The following TSHZ2 variants were observed in gnomAD, a reference collection of about 807,000 sequenced individuals.
TSHZ2 encodes teashirt homolog 2.
Under a neutral mutation model 74.4 loss-of-function variants are expected in TSHZ2, and 21 were observed. The ratio of observed to expected loss-of-function variants is 0.28; its 90% CI spans 0.20 to 0.41. The LOEUF is 0.41. TSHZ2 is among the 10% of genes least tolerant of loss of function. The probability of loss-of-function intolerance (pLI) is 1.00; values close to 1 mark genes in which losing one functional copy is unlikely to be tolerated. For missense variants in TSHZ2, 1,244 were observed against 1,293.5 expected, an observed-to-expected ratio of 0.96 and a Z score of 0.59; for synonymous variants, 540 against 515.3, an observed-to-expected ratio of 1.05 and a Z score of -0.65.
chr20:53,324,505 G>A (rs1052954945), intron 2 of TSHZ2, among the ~76,000 whole-genome samples: 5 of 152,094 alleles, frequency 3.3e-5, no homozygotes, highest in Non-Finnish European at 7.4e-5. Flanking sequence ...AGCCTCCCCA[G>A]TAGCAGGGAG....
intron 1 of TSHZ2, among the ~76,000 whole-genome samples, chr20:53,220,706 G>T (rs931957972): frequency 1.3e-5 from 2 of 152,170 alleles, no homozygotes; most frequent in South Asian, 4.1e-4. Flanking sequence ...GATGTGAGGG[G>T]CCGGTCATGC....
Position 53,489,352 on chromosome 20 carries a change from G to T in TSHZ2, c.*2217G>T, listed in dbSNP as rs1986384716. On this transcript the variant is annotated 3_prime_UTR_variant, in exon 3 of 3. Transcript: ENST00000371497. ...TCTTCAGATGGGTTAAGATTGAAGGGTGGACTGGACTCTACTGAGCACCGT... is the reference window on the plus strand; with the variant it reads ...TCTTCAGATGGGTTAAGATTGAAGGTTGGACTGGACTCTACTGAGCACCGT... 5.4e-6 allele frequency: 2 copies of T among 369,762 alleles called. No individual in the cohort carries two copies. Among genetic ancestry groups the T allele is most frequent in the Admixed American group, 6.9e-5 (2 of 29,018 alleles). 22.9% of individuals were successfully genotyped at this position (369,762 alleles called of 1,614,324 possible). A position where few individuals can be genotyped will look rare whatever the true frequency, so the allele number is the denominator to read the frequency against.
chr20:53,188,506 C>T (rs1988656407), intron 1 of TSHZ2, among the ~76,000 whole-genome samples: 1 of 152,138 alleles, frequency 6.6e-6, no homozygotes, highest in Non-Finnish European at 1.5e-5. Flanking sequence ...TCCATACTTT[C>T]TCAACAGCAT....
chr20:53,322,618 C>A (rs1371400747), intron 2 of TSHZ2, among the ~76,000 whole-genome samples: 1 of 152,244 alleles, frequency 6.6e-6, no homozygotes, highest in Admixed American at 6.5e-5. Context: ...TAGCTTTCTG[C>A]CTCCTCTTGA....
At chr20:53,026,431 C>T (rs1192590540) in intron 1 of TSHZ2, among the ~76,000 whole-genome samples, 3 of 151,794 alleles carry the variant, frequency 2.0e-5, no homozygotes, top group Non-Finnish European at 1.5e-5. Context: ...CGGTTCACTG[C>T]AGCCTTGCCT....
chr20:53,027,572 A>G (rs1348203378), intron 1 of TSHZ2, among the ~76,000 whole-genome samples: 2 of 152,150 alleles, frequency 1.3e-5, no homozygotes, highest in Non-Finnish European at 2.9e-5. Flanking sequence ...TTGGTAAAAG[A>G]CGCTGCGTTC....
In TSHZ2 at chr20:53,273,096, G is replaced by A. The variant is rs982365771; in HGVS notation, c.*8+16525G>A. ...ATTCAGAGAAAGGCCGGAGTGTCATGAGCTGGGCATCCAGTGGTGGGACAT... is the reference window on the plus strand; with the variant it reads ...ATTCAGAGAAAGGCCGGAGTGTCATAAGCTGGGCATCCAGTGGTGGGACAT... On this transcript the variant is annotated intron_variant, in intron 2 of 2. Transcript: ENST00000371497. Among the ~76,000 whole-genome samples, 3 of 152,356 alleles carry A rather than the reference G, an allele frequency of 2.0e-5. No individual in the cohort carries two copies. In the East Asian group the frequency reaches 5.8e-4, roughly 29 times the overall value.
At chr20:53,402,419 T>G (rs1399961581) in intron 2 of TSHZ2, among the ~76,000 whole-genome samples, 1 of 152,178 alleles carries the variant, frequency 6.6e-6, no homozygotes, top group Non-Finnish European at 1.5e-5. Context: ...TTGTACATAC[T>G]TGTAGCCTAG....
At chr20:53,455,630 G>T (rs377304863) in intron 2 of TSHZ2, among the ~76,000 whole-genome samples, 1 of 146,898 alleles carries the variant, frequency 6.8e-6, no homozygotes, top group African/African-American at 2.5e-5. Context: ...AGTTACATAC[G>T]TATACATGTG....
chr20:53,324,230 GTC>G (rs909577688), intron 2 of TSHZ2, among the ~76,000 whole-genome samples: 3 of 152,140 alleles, frequency 2.0e-5, no homozygotes, highest in Admixed American at 6.5e-5. Flanking sequence ...AGGTTTTTGT[GTC>G]TCGGAATCAT....
In TSHZ2 at chr20:53,180,843, C is replaced by A. The variant is rs1375180410; in HGVS notation, c.41-72656C>A. ...CAAAAAGGGACAAGGAGCTGCCTTA[C>A]TGAGTCAGACATGTGGCTCCTAGGA... On this transcript the variant is annotated intron_variant, in intron 1 of 2. Coordinates refer to ENST00000371497, the MANE Select transcript of TSHZ2 (RefSeq NM_173485.6). Among the ~76,000 whole-genome samples, 4 of 152,190 alleles carry A rather than the reference C, an allele frequency of 2.6e-5. No individual in the cohort carries two copies. In the South Asian group the frequency reaches 8.3e-4, roughly 32 times the overall value.
At chr20:53,146,390 G>A (rs969114131) in intron 1 of TSHZ2, among the ~76,000 whole-genome samples, 1 of 152,136 alleles carries the variant, frequency 6.6e-6, no homozygotes. Context: ...ATCATGCCCA[G>A]AGAGAGATAA....
intron 2 of TSHZ2, among the ~76,000 whole-genome samples, chr20:53,483,013 A>C (rs1986198248): frequency 1.3e-5 from 2 of 152,254 alleles, no homozygotes; most frequent in African/African-American, 4.8e-5. Flanking sequence ...AAGTGTAGGA[A>C]CACTGACCTT....
At chr20:53,348,196 A>T (rs1980512099) in intron 2 of TSHZ2, among the ~76,000 whole-genome samples, 1 of 152,254 alleles carries the variant, frequency 6.6e-6, no homozygotes, top group Non-Finnish European at 1.5e-5. Context: ...AAACTTTTAT[A>T]TGAGTGTTCC....
chr20:53,403,668 G>C (rs563051243), intron 2 of TSHZ2, among the ~76,000 whole-genome samples: 11 of 152,220 alleles, frequency 7.2e-5, no homozygotes, highest in Non-Finnish European at 1.6e-4. Context: ...CTCACACACA[G>C]AAACGCTTCC....
At chr20:53,151,674 CTT>C (rs1253141434) in intron 1 of TSHZ2, among the ~76,000 whole-genome samples, 2 of 151,984 alleles carry the variant, frequency 1.3e-5, no homozygotes, top group Admixed American at 6.6e-5. Flanking sequence ...TTTAAAAAAA[CTT>C]TTGGTATTCA....
At chr20:53,085,002 A>G (rs1396461515) in intron 1 of TSHZ2, among the ~76,000 whole-genome samples, 3 of 152,228 alleles carry the variant, frequency 2.0e-5, no homozygotes, top group African/African-American at 7.2e-5. Context: ...TGGGATAATA[A>G]TACCTGCTTT....
At chr20:53,308,813 T>C (rs1304353023) in intron 2 of TSHZ2, among the ~76,000 whole-genome samples, 1 of 152,208 alleles carries the variant, frequency 6.6e-6, no homozygotes, top group Non-Finnish European at 1.5e-5. Flanking sequence ...GCCACATGAC[T>C]GTGGATAAAG....
intron 2 of TSHZ2, among the ~76,000 whole-genome samples, chr20:53,408,082 A>G (rs909106025): frequency 2.0e-5 from 3 of 152,226 alleles, no homozygotes; most frequent in Admixed American, 6.5e-5. Flanking sequence ...CAATCTCAGC[A>G]TCACGAGGTC....
Sources: allele counts gnomAD v4.1 joint callset (sites outside exome capture counted in the v4.1 genomes callset), GRCh38; gene constraint gnomAD v4.1.1; transcripts MANE v1.5; gene names NCBI Gene and HGNC (gene_info 2026-07-23, HGNC 2026-07-21).